STRA6: variants seen among roughly 807,000 people sequenced by gnomAD.
STRA6 encodes signaling receptor and transporter of retinol STRA6.
A neutral mutation model predicts 83.6 loss-of-function variants in STRA6; 48 were observed. The ratio of observed to expected loss-of-function variants is 0.57; its 90% CI spans 0.46 to 0.73. The LOEUF is 0.73. Ranked by LOEUF, STRA6 falls within the 30% of genes least tolerant of loss-of-function variation. The pLI, the probability that STRA6 is intolerant of heterozygous loss-of-function variation, is 0.00. For missense variants in STRA6, 760 were observed against 838.8 expected (o/e 0.91, Z 1.16); for synonymous variants, 353 against 362.3 (o/e 0.97, Z 0.29).
At chr15:74,181,199 G>T in intron 17 of STRA6, 96 bp downstream of exon 17, 1 of 1,548,974 alleles carries the variant, frequency 6.5e-7, no homozygotes. Context: ...GCATCGGTGT[G>T]AACTGATCAG....
chr15:74,210,970 T>C (rs1006406688), upstream of STRA6, among the ~76,000 whole-genome samples: 3 of 152,184 alleles, frequency 2.0e-5, no homozygotes, highest in African/African-American at 7.2e-5. Flanking sequence ...AGTAAGTTAC[T>C]GGCAAAGACA....
At chr15:74,208,651 T>A (rs1212143196) in intron 1 of STRA6, 13 of 952,074 alleles carry the variant, frequency 1.4e-5, no homozygotes, top group Middle Eastern at 5.3e-4. Context: ...AACTTACTCA[T>A]CAGAATTGCT....
upstream of STRA6, among the ~76,000 whole-genome samples, chr15:74,207,153 C>T (rs1178037521): frequency 6.6e-6 from 1 of 152,186 alleles, no homozygotes; most frequent in East Asian, 1.9e-4. Flanking sequence ...CAGAGGCCCA[C>T]GTGCATTTCT....
rs2073318499 is a variant in STRA6 at position 74,187,599 on chromosome 15, T to C, written c.1090+1516A>G. Among the ~76,000 whole-genome samples, 3 of 152,088 alleles carry C rather than the reference T, an allele frequency of 2.0e-5. No homozygotes were observed. In the South Asian group the frequency reaches 6.2e-4, roughly 32 times the overall value. On this transcript the variant is annotated intron_variant, in intron 12 of 18. Coordinates refer to ENST00000395105, the MANE Select transcript of STRA6 (RefSeq NM_022369.4). ...TGGGTGGCAGTCCTAACAGAAGCTC[T>C]GAGCTCAGAAGACATTAGCTCCTTA...
intron 1 of STRA6, among the ~76,000 whole-genome samples, chr15:74,208,404 C>A (rs929436682): frequency 1.2e-4 from 18 of 152,124 alleles, no homozygotes; most frequent in African/African-American, 4.1e-4. Flanking sequence ...GTGGTGTGGC[C>A]TTGAGATGTA....
chr15:74,188,447 C>A lies in STRA6; in HGVS notation c.1090+668G>T, dbSNP rs2073369170. Among the ~76,000 whole-genome samples the A allele has an allele frequency of 6.6e-6, 1 of 152,260 alleles. No homozygotes were observed. Among genetic ancestry groups the A allele is most frequent in the South Asian group, 2.1e-4 (1 of 4,832 alleles). The stretch of plus-strand genomic sequence containing the variant: ...AAGGCCCCCGCCTAGGCTTCAGGAG[C>A]CCTGCGTTCTCTTGGCTGCACTCTG... On this transcript the variant is annotated intron_variant, in intron 12 of 18. Transcript: ENST00000395105. The surrounding 1 kb of genome is among the most constrained non-coding windows in gnomAD (Gnocchi z 4.5).
Position 74,195,319 on chromosome 15 carries a change from A to C in STRA6, c.580T>G (p.Cys194Gly). Residue 194 changes from cysteine (C) to glycine (G), a missense_variant, in exon 7 of 19, where the codon TGT (cysteine) becomes GGT (glycine). Transcript: ENST00000395105. ...LGVQVWQRAE[C>G]PQVPKIYKYY... is the part of the protein sequence containing the mutation. ...GCGGTTACCTTGGGCACCTGGGGAC[A>C]CTCTGCCCTCTGCCAGACCTGGACC... is the stretch of plus-strand genomic sequence containing the variant. The C allele has an allele frequency of 6.2e-7, 1 of 1,612,684 alleles. No homozygotes were observed. Among genetic ancestry groups the C allele is most frequent in the South Asian group, 1.1e-5 (1 of 90,952 alleles).
upstream of STRA6, among the ~76,000 whole-genome samples, chr15:74,204,579 G>A (rs1270835441): frequency 6.6e-6 from 1 of 152,164 alleles, no homozygotes; most frequent in African/African-American, 2.4e-5. Flanking sequence ...TTCCAGACAG[G>A]GAGCCCACTC....
At chr15:74,194,125 C>A (rs1317486505) in intron 7 of STRA6, among the ~76,000 whole-genome samples, 1 of 152,040 alleles carries the variant, frequency 6.6e-6, no homozygotes, top group African/African-American at 2.4e-5. Flanking sequence ...AGATGCTCAC[C>A]CCTCCCCCAG....
At chr15:74,192,751 A>C (rs1355238873) in intron 8 of STRA6, among the ~76,000 whole-genome samples, 1 of 152,168 alleles carries the variant, frequency 6.6e-6, no homozygotes, top group Non-Finnish European at 1.5e-5. Flanking sequence ...TCTATGTCTT[A>C]AGACTTTCTC....
intron 5 of STRA6, 78 bp from the exon 6 acceptor site, chr15:74,195,753 T>C: frequency 2.2e-6 from 2 of 916,040 alleles, no homozygotes; most frequent in Non-Finnish European, 3.4e-6. Context: ...GCATGGTGCC[T>C]GAGCAAATAC....
chr15:74,202,575 G>T (rs2074129670), intron 1 of STRA6, 138 bp downstream of exon 1: 1 of 1,470,042 alleles, frequency 6.8e-7, no homozygotes, highest in East Asian at 2.5e-5. Flanking sequence ...TCCCGCTGGC[G>T]CATCTGTCTG....
intron 13 of STRA6, 149 bp downstream of exon 13, chr15:74,184,831 T>G: frequency 1.3e-6 from 1 of 762,486 alleles, no homozygotes; most frequent in South Asian, 1.5e-5. Flanking sequence ...CTTCTCCCAC[T>G]GCAGCGCAGC....
upstream of STRA6, among the ~76,000 whole-genome samples, chr15:74,203,873 G>A (rs1424989093): frequency 6.6e-6 from 1 of 151,998 alleles, no homozygotes; most frequent in Non-Finnish European, 1.5e-5. Context: ...GCAGGGGAAA[G>A]TCCGCTGAGC....
chr15:74,201,914 C>T (rs2074084675), intron 2 of STRA6, among the ~76,000 whole-genome samples: 1 of 152,162 alleles, frequency 6.6e-6, no homozygotes, highest in African/African-American at 2.4e-5. Flanking sequence ...ACACATCATA[C>T]CTAAGGTGAC....
chr15:74,209,651 C>T (rs1258151038), upstream of STRA6: 6 of 571,758 alleles, frequency 1.0e-5, no homozygotes, highest in Non-Finnish European at 1.5e-5. Context: ...CAAGTACATG[C>T]CTGCAACCTC....
Position 74,183,913 on chromosome 15 carries a change from G to C in STRA6, c.1243C>G (p.Gln415Glu). 6.2e-7 allele frequency: 1 copy of C among 1,613,154 alleles called. No individual in the cohort carries two copies. Among genetic ancestry groups the C allele is most frequent in the East Asian group, 2.2e-5 (1 of 44,856 alleles). The change falls in exon 14 of 19, where the codon CAA becomes GAA. Residue 415 changes from glutamine (Q) to glutamate (E), a missense_variant. Coordinates refer to ENST00000395105, the MANE Select transcript of STRA6 (RefSeq NM_022369.4). ...AAGCTCATCCAACAGAATATGGCTT[G>C]GCGGGAGGGATGGGGACTCCGATGC... ...PLHRSPHPSR[Q>E]AIFCWMSFSA...
In STRA6 at chr15:74,182,323, C is replaced by G. The variant is rs1250421029; in HGVS notation, c.1418+20G>C. ...GACCTCTAAGGAGTCCCTGAGCCCT[C>G]CATGTCTTGTTTCACTCACCACGAG... On this transcript the variant is annotated intron_variant, in intron 15 of 18. Transcript: ENST00000395105. The G allele has an allele frequency of 6.2e-6, 10 of 1,613,860 alleles. No individual in the cohort carries two copies.
upstream of STRA6, among the ~76,000 whole-genome samples, chr15:74,204,720 G>A (rs2074219184): frequency 6.6e-6 from 1 of 152,198 alleles, no homozygotes; most frequent in African/African-American, 2.4e-5. Context: ...ATCACCTGAG[G>A]TCAGGAGTTA....
Sources: allele counts gnomAD v4.1 joint callset (sites outside exome capture counted in the v4.1 genomes callset), GRCh38; gene constraint gnomAD v4.1.1; non-coding constraint Gnocchi (gnomAD v3.1); transcripts MANE v1.5; gene names NCBI Gene and HGNC (gene_info 2026-07-23, HGNC 2026-07-21).